The following USP12 variants were observed in gnomAD, a reference collection of about 807,000 sequenced individuals.
USP12 encodes ubiquitin specific peptidase 12.
USP12 carries 19 observed loss-of-function variants against 45.5 expected under a neutral mutation model. The observed-to-expected ratio is 0.42, with a 90% CI of 0.29 to 0.61. USP12 has a LOEUF of 0.61. USP12 is among the 20% of genes least tolerant of loss of function. The pLI is 0.22. For missense variants in USP12, 242 were observed against 447.7 expected (o/e 0.54, Z 4.15); for synonymous variants, 149 against 148.8 (o/e 1.00, Z -0.01).
intron 1 of USP12, among the ~76,000 whole-genome samples, chr13:27,145,619 C>G (rs1483497338): frequency 6.6e-6 from 1 of 152,134 alleles, no homozygotes; most frequent in Non-Finnish European, 1.5e-5. Context: ...TGTGAAATAT[C>G]ATGATCTCAG....
chr13:27,077,697 A>T (rs927162964), intron 6 of USP12: 16 of 152,300 alleles, frequency 1.1e-4, no homozygotes, highest in African/African-American at 2.9e-4. Context: ...CTCCAAAAAA[A>T]AGCAGAAAAC....
intron 2 of USP12, among the ~76,000 whole-genome samples, chr13:27,108,744 G>A (rs972760874): frequency 1.6e-4 from 25 of 152,266 alleles, no homozygotes; most frequent in Admixed American, 7.8e-4. Context: ...ATCAGTTGCG[G>A]TCAGGAGTTT....
intron 1 of USP12, among the ~76,000 whole-genome samples, chr13:27,128,570 A>G (rs1184976597): frequency 6.6e-6 from 1 of 152,226 alleles, no homozygotes; most frequent in Admixed American, 6.5e-5. Context: ...CAGCATCTTC[A>G]CATTGTCTTC....
At chr13:27,164,998 C>T (rs1387156837) in intron 1 of USP12, among the ~76,000 whole-genome samples, 1 of 149,546 alleles carries the variant, frequency 6.7e-6, no homozygotes, top group Non-Finnish European at 1.5e-5. Flanking sequence ...GAAAATAAGT[C>T]CTGAAGCTAA....
At chr13:27,100,324 T>G (rs1027645588) in intron 3 of USP12, among the ~76,000 whole-genome samples, 1 of 152,230 alleles carries the variant, frequency 6.6e-6, no homozygotes, top group Non-Finnish European at 1.5e-5. Flanking sequence ...CTTGGGATTT[T>G]CTTTGTTCCC....
At chr13:27,153,315 A>T (rs1359847678) in intron 1 of USP12, among the ~76,000 whole-genome samples, 1 of 152,272 alleles carries the variant, frequency 6.6e-6, no homozygotes, top group African/African-American at 2.4e-5. Flanking sequence ...TCAAAAAAAA[A>T]TAAGTAAATA....
intron 6 of USP12, among the ~76,000 whole-genome samples, chr13:27,088,623 G>A (rs1391874534): frequency 6.6e-6 from 1 of 152,098 alleles, no homozygotes; most frequent in Non-Finnish European, 1.5e-5. Context: ...TAGGCAGAGG[G>A]TACCTACATG....
chr13:27,071,372 T>A (rs1474477805), intron 7 of USP12, among the ~76,000 whole-genome samples: 2 of 152,200 alleles, frequency 1.3e-5, no homozygotes, highest in African/African-American at 4.8e-5. Flanking sequence ...AAGAGATATA[T>A]CAGTATTCTT....
chr13:27,155,303 G>C (rs1045984669), intron 1 of USP12, among the ~76,000 whole-genome samples: 9 of 151,790 alleles, frequency 5.9e-5, no homozygotes, highest in Admixed American at 3.9e-4. Context: ...AGATGGTCTT[G>C]ATCTCCTGAC....
intron 1 of USP12, among the ~76,000 whole-genome samples, chr13:27,146,277 C>CT (rs1466612124): frequency 7.9e-5 from 12 of 152,066 alleles, no homozygotes; most frequent in Non-Finnish European, 2.9e-5. Flanking sequence ...TGGTGGGCAT[C>CT]TATAGTCCCA....
chr13:27,170,111 A>G (rs1878520711), intron 1 of USP12: 1 of 390,554 alleles, frequency 2.6e-6, no homozygotes, highest in Non-Finnish European at 4.5e-6. Flanking sequence ...TCATTTTAAT[A>G]TAGTCCATTT....
intron 1 of USP12, among the ~76,000 whole-genome samples, chr13:27,124,318 G>A (rs1876127123): frequency 6.6e-6 from 1 of 152,080 alleles, no homozygotes; most frequent in African/African-American, 2.4e-5. Flanking sequence ...CTAAAAAATG[G>A]TGTCTATGAG....
intron 1 of USP12, among the ~76,000 whole-genome samples, chr13:27,156,842 G>GA (rs1438214414): frequency 2.0e-5 from 3 of 146,924 alleles, no homozygotes; most frequent in African/African-American, 8.0e-5. Flanking sequence ...AAGAGAGAGA[G>GA]AGAAAAAATG....
chr13:27,125,472 G>A (rs1876183302), intron 1 of USP12, among the ~76,000 whole-genome samples: 2 of 152,218 alleles, frequency 1.3e-5, no homozygotes, highest in Non-Finnish European at 2.9e-5. Flanking sequence ...ACAAACAGAT[G>A]GAACTGAGAG....
chr13:27,112,374 C>T (rs979171883), intron 2 of USP12, among the ~76,000 whole-genome samples: 9 of 151,594 alleles, frequency 5.9e-5, no homozygotes, highest in Non-Finnish European at 1.3e-4. Context: ...CAGCCTCAAC[C>T]TCCTGGACTC....
In USP12 at chr13:27,171,745, G is replaced by T. The variant is rs1387942691; in HGVS notation, c.-106C>A. The T allele has an allele frequency of 7.5e-6, 5 of 662,842 alleles. No individual in the cohort carries two copies. In the East Asian group the frequency reaches 6.0e-4, roughly 80 times the overall value. The allele number at this position is 662,842 out of a possible 1,614,324, so 41.1% of individuals were successfully genotyped here. A position where few individuals can be genotyped will look rare whatever the true frequency, so the allele number is the denominator to read the frequency against. ...GCAGCCCGCGGGCGGACCCCGAGCC[G>T]CCGCGGACCCAACCACCGAGCCCGC... On this transcript the variant is annotated 5_prime_UTR_variant, in exon 1 of 9. Coordinates refer to ENST00000282344, the MANE Select transcript of USP12 (RefSeq NM_182488.4).
chr13:27,081,533 T>A (rs144766365), intron 6 of USP12, among the ~76,000 whole-genome samples: 3 of 152,136 alleles, frequency 2.0e-5, no homozygotes, highest in Non-Finnish European at 4.4e-5. Flanking sequence ...TCAATGAGGG[T>A]TGGAATGAAC....
intron 3 of USP12, among the ~76,000 whole-genome samples, chr13:27,097,089 A>C (rs1321196044): frequency 6.6e-6 from 1 of 152,122 alleles, no homozygotes; most frequent in African/African-American, 2.4e-5. Context: ...CAATCTTATA[A>C]ATGGCAATCA....
At position 27,137,911 on chromosome 13, in the gene USP12, G is replaced by A. The variant is rs374875430; in HGVS notation, c.49-21315C>T. On this transcript the variant is annotated intron_variant, in intron 1 of 8. Transcript: ENST00000282344. The stretch of plus-strand genomic sequence containing the variant: ...GGACTTATGGAGAGGGCCACATGGC[G>A]AGGAACCGTAGGCGGCCTCTCAGCA... Among the ~76,000 whole-genome samples, 4 of 152,370 alleles carry A rather than the reference G, an allele frequency of 2.6e-5. No individual in the cohort carries two copies. In the East Asian group the frequency reaches 5.8e-4, roughly 22 times the overall value.
Sources: gnomAD v4.1 joint callset for allele counts (sites outside exome capture counted in the v4.1 genomes callset) on GRCh38, gnomAD v4.1.1 for gene constraint, MANE v1.5 for transcripts, NCBI Gene and HGNC (gene_info 2026-07-23, HGNC 2026-07-21) for gene names.